The following VPS13A variants were observed in gnomAD, a reference collection of about 807,000 sequenced individuals.
VPS13A encodes the protein vacuolar protein sorting 13 homolog A.
A neutral mutation model predicts 390.9 loss-of-function variants in VPS13A; 264 were observed. That is an observed-to-expected ratio of 0.68 (90% CI 0.61 to 0.75). The LOEUF (loss-of-function observed/expected upper bound fraction) is 0.75, where lower values mean the gene tolerates loss of function less well. VPS13A is among the 30% of genes least tolerant of loss of function. The probability of loss-of-function intolerance (pLI) is 0.00; values close to 1 mark genes in which losing one functional copy is unlikely to be tolerated. For missense variants in VPS13A, 3,409 were observed against 3,733.9 expected (o/e 0.91, Z 2.27); for synonymous variants, 1,231 against 1,227.1 (o/e 1.00, Z -0.07).
At chr9:77,342,637 A>G (rs1830896879) in intron 50 of VPS13A, among the ~76,000 whole-genome samples, 1 of 152,202 alleles carries the variant, frequency 6.6e-6, no homozygotes, top group African/African-American at 2.4e-5. Context: ...CTATGTGTAT[A>G]AGGTGTATGT....
At chr9:77,412,379 C>A (rs1333439945) in intron 71 of VPS13A, among the ~76,000 whole-genome samples, 3 of 152,160 alleles carry the variant, frequency 2.0e-5, no homozygotes, top group African/African-American at 7.2e-5. Context: ...AGCAGCACAT[C>A]AAAAAGCTTA....
At chr9:77,323,974 CT>C (rs958474287) in intron 45 of VPS13A, among the ~76,000 whole-genome samples, 3 of 149,872 alleles carry the variant, frequency 2.0e-5, no homozygotes, top group Admixed American at 1.3e-4. Flanking sequence ...TGAGGTTTTG[CT>C]TTTTTTTTCA....
intron 45 of VPS13A, among the ~76,000 whole-genome samples, chr9:77,324,849 T>G (rs565532186): frequency 3.3e-5 from 5 of 152,204 alleles, no homozygotes; most frequent in African/African-American, 1.2e-4. Flanking sequence ...TTCTCCCATC[T>G]TGCTCCGCCT....
chr9:77,384,272 T>TTAA (rs1833586099), intron 68 of VPS13A, among the ~76,000 whole-genome samples: 1 of 151,832 alleles, frequency 6.6e-6, no homozygotes, highest in South Asian at 2.1e-4. Flanking sequence ...AGGTAGCACA[T>TTAA]TATTACAGTG....
In VPS13A at chr9:77,219,966, T is replaced by G. The variant is rs1165298412; in HGVS notation, c.767T>G (p.Ile256Arg). Reference protein sequence around the residue: ...PEGYDFVFRPISANAKLVMNR... With the variant: ...PEGYDFVFRPRSANAKLVMNR... ...TATTATTTTTCAGTATTTCGTCCCA[T>G]ATCTGCTAATGCCAAACTTGTGATG... Residue 256 changes from isoleucine to arginine, a missense_variant, in exon 11 of 72, where the codon ATA (isoleucine) becomes AGA (arginine). Coordinates refer to ENST00000360280, the MANE Select transcript of VPS13A (RefSeq NM_033305.3). The G allele has an allele frequency of 6.2e-7, 1 of 1,613,592 alleles. No homozygotes were observed. Among genetic ancestry groups the G allele is most frequent in the Admixed American group, 1.7e-5 (1 of 59,994 alleles).
intron 5 of VPS13A, 43 bp from the exon 6 acceptor site, chr9:77,209,380 T>C: frequency 2.2e-6 from 3 of 1,356,210 alleles, no homozygotes; most frequent in Non-Finnish European, 3.1e-6. Flanking sequence ...TTATAGAGTA[T>C]ATTTTTCATT....
At chr9:77,260,894 G>GTA (rs1825723898) in intron 23 of VPS13A, among the ~76,000 whole-genome samples, 4 of 151,488 alleles carry the variant, frequency 2.6e-5, no homozygotes, top group Admixed American at 2.0e-4. Flanking sequence ...ATACATACAT[G>GTA]TATATATTCA....
chr9:77,360,695 T>C (rs1832095155), intron 59 of VPS13A, 54 bp downstream of exon 59: 1 of 1,340,192 alleles, frequency 7.5e-7, no homozygotes, highest in African/African-American at 1.5e-5. Context: ...AAGATATTAT[T>C]ATAAATTTTT....
intron 16 of VPS13A, 59 bp downstream of exon 16, chr9:77,227,544 A>T: frequency 7.6e-7 from 1 of 1,320,726 alleles, no homozygotes; most frequent in Non-Finnish European, 1.1e-6. Flanking sequence ...TTGTTTAGAG[A>T]CAGGGTCTCA....
intron 54 of VPS13A, among the ~76,000 whole-genome samples, chr9:77,354,641 GAGTT>G (rs1340193661): frequency 6.6e-6 from 1 of 152,104 alleles, no homozygotes; most frequent in Non-Finnish European, 1.5e-5. Flanking sequence ...TGAGAAAGCA[GAGTT>G]AGCAGAGCAA....
chr9:77,405,867 T>C lies in VPS13A; in HGVS notation c.9279T>C (p.Gly3093=). The change falls in exon 70 of 72, where the codon GGT becomes GGC. Residue 3093 remains glycine (G), a synonymous_variant. Transcript: ENST00000360280. ...TTTTTTGTTTTTCTTTTTGCAGTGGTGTATTGTTTGTAACAAAGGGAACAT... is the reference window on the plus strand; with the variant it reads ...TTTTTTGTTTTTCTTTTTGCAGTGGCGTATTGTTTGTAACAAAGGGAACAT... The part of the protein sequence containing the change: ...KTDMLMITRR[G]VLFVTKGTFG... 6.2e-7 allele frequency: 1 copy of C among 1,613,560 alleles called. No homozygotes were observed. The highest frequency in any genetic ancestry group is 8.5e-7 in the Non-Finnish European group (1 of 1,179,954).
intron 58 of VPS13A, among the ~76,000 whole-genome samples, chr9:77,360,243 T>G (rs1290383741): frequency 6.6e-6 from 1 of 152,172 alleles, no homozygotes; most frequent in African/African-American, 2.4e-5. Flanking sequence ...TTATTAAAAT[T>G]TATTCATTTT....
chr9:77,377,299 A>G (rs1833152337), intron 67 of VPS13A, among the ~76,000 whole-genome samples: 2 of 137,042 alleles, frequency 1.5e-5, no homozygotes, highest in Admixed American at 1.7e-4. Context: ...GGCTCACTGC[A>G]AGCTCCGCTT....
intron 15 of VPS13A, among the ~76,000 whole-genome samples, chr9:77,226,952 C>T (rs1823550991): frequency 1.3e-5 from 2 of 152,000 alleles, no homozygotes; most frequent in African/African-American, 4.8e-5. Context: ...AAGAGTATAG[C>T]TTTGGAGGTT....
Position 77,316,350 on chromosome 9 carries a change from C to T in VPS13A, c.4807C>T (p.Leu1603Phe). 2 of 1,613,194 alleles carry T rather than the reference C, an allele frequency of 1.2e-6. No individual in the cohort carries two copies. The highest frequency in any genetic ancestry group is 8.5e-7 in the Non-Finnish European group (1 of 1,179,376). ...NSTMTAAIKD[L>F]QVRACPFLPV... ...TACAATGACTGCTGCCATTAAAGAT[C>T]TCCAAGTGAGAGCCTGCCCGTTTCT... Residue 1603 changes from leucine (L) to phenylalanine (F), a missense_variant, in exon 39 of 72, where the codon CTC becomes TTC. By Grantham distance (22) the Leu-to-Phe change is conservative. Transcript: ENST00000360280.
In VPS13A at chr9:77,221,329, A is replaced by C; in HGVS notation, c.1134A>C (p.Pro378=). 1 of 1,613,148 alleles carries C rather than the reference A, an allele frequency of 6.2e-7. No homozygotes were observed. The highest frequency in any genetic ancestry group is 8.5e-7 in the Non-Finnish European group (1 of 1,179,436). ...LYKKKLTSKK[P]PGELLVSLEE... Reference sequence around the variant, plus strand: ...AAAAAAAGTTAACAAGTAAGAAGCCACCTGGTGAACTTCTCGTGTCTTTGG... The same window carrying C: ...AAAAAAAGTTAACAAGTAAGAAGCCCCCTGGTGAACTTCTCGTGTCTTTGG... Residue 378 remains proline (P), a synonymous_variant, in exon 13 of 72, where the codon CCA becomes CCC. Coordinates refer to ENST00000360280, the MANE Select transcript of VPS13A (RefSeq NM_033305.3).
rs1321998057 is a variant in VPS13A at position 77,282,228 on chromosome 9, G to A, written c.3072G>A (p.Val1024=). ...LPQSEEKSAP[V]STTETEDKGD... Reference sequence around the variant, plus strand: ...AATCAGAGGAAAAATCAGCCCCAGTGTCCACTACAGAGACTGAAGACAAAG... The same window carrying A: ...AATCAGAGGAAAAATCAGCCCCAGTATCCACTACAGAGACTGAAGACAAAG... Residue 1024 remains valine (V), a synonymous_variant, in exon 29 of 72, where the codon GTG becomes GTA. Coordinates refer to ENST00000360280, the MANE Select transcript of VPS13A (RefSeq NM_033305.3). 1.2e-6 allele frequency: 2 copies of A among 1,613,164 alleles called. No homozygotes were observed. The highest frequency in any genetic ancestry group is 1.7e-6 in the Non-Finnish European group (2 of 1,179,742).
chr9:77,276,314 C>A, intron 26 of VPS13A, 93 bp downstream of exon 26: 1 of 1,184,086 alleles, frequency 8.4e-7, no homozygotes, highest in Non-Finnish European at 1.2e-6. Context: ...TGAATCAGTA[C>A]ATTTGCTGAA....
rs1830713109 is a variant in VPS13A, at chr9:77,339,641, A to T, written c.6504A>T (p.Glu2168Asp). Residue 2168 changes from glutamate to aspartate, a missense_variant, in exon 48 of 72, where the codon GAA (glutamate) becomes GAT (aspartate). Transcript: ENST00000360280. ...LDYLNHDWKS[E>D]YHIKPNQQDI... Reference sequence around the variant, plus strand: ...ATCTCAATCACGATTGGAAAAGTGAATATCACATAAAGCCTAATCAGCAAG... The same window carrying T: ...ATCTCAATCACGATTGGAAAAGTGATTATCACATAAAGCCTAATCAGCAAG... 1 of 1,613,988 alleles carries T rather than the reference A, an allele frequency of 6.2e-7. No homozygotes were observed. Among genetic ancestry groups the T allele is most frequent in the Non-Finnish European group, 8.5e-7 (1 of 1,179,948 alleles).
Sources: gnomAD v4.1 joint callset for allele counts (sites outside exome capture counted in the v4.1 genomes callset) on GRCh38, gnomAD v4.1.1 for gene constraint, MANE v1.5 for transcripts, NCBI Gene and HGNC (gene_info 2026-07-23, HGNC 2026-07-21) for gene names.